WWP2: variants seen among roughly 807,000 people sequenced by gnomAD.
The protein encoded by WWP2 is NEDD4-like E3 ubiquitin-protein ligase WWP2.
In WWP2, 57 loss-of-function variants were observed where a neutral mutation model predicts 121.0. That is an observed-to-expected ratio of 0.47 (90% CI 0.38 to 0.59). The LOEUF (loss-of-function observed/expected upper bound fraction) is 0.59. Ranked by LOEUF, WWP2 falls within the 20% of genes least tolerant of loss-of-function variation. The probability of loss-of-function intolerance (pLI) is 0.00; values close to 1 mark genes in which losing one functional copy is unlikely to be tolerated. For synonymous variants in WWP2, 449 were observed against 441.3 expected, an observed-to-expected ratio of 1.02 and a Z score of -0.22; for missense variants, 962 against 1,158.9, an observed-to-expected ratio of 0.83 and a Z score of 2.47.
rs147015587 is a variant in WWP2, at chr16:69,812,731, A to C, written c.340+13436A>C. Among the ~76,000 whole-genome samples, 337 of 152,200 alleles carry C rather than the reference A, an allele frequency of 2.2e-3. 2 individuals carry two copies. The highest frequency in any genetic ancestry group is 5.4e-3 in the South Asian group (26 of 4,820). On this transcript the variant is annotated intron_variant, in intron 4 of 23. Transcript: ENST00000359154. ...TTCAGAGTGTGCATTCTTGGCAGGAACACCCAGGAGTGACTTTGTGTCCTT... is the reference window on the plus strand; with the variant it reads ...TTCAGAGTGTGCATTCTTGGCAGGACCACCCAGGAGTGACTTTGTGTCCTT...
At chr16:69,871,301 C>T (rs1384742804) in intron 6 of WWP2, among the ~76,000 whole-genome samples, 2 of 152,120 alleles carry the variant, frequency 1.3e-5, no homozygotes, top group Non-Finnish European at 2.9e-5. Flanking sequence ...TGAATGACAA[C>T]AACAAAAAGT....
At chr16:69,862,883 A>C (rs2057451045) in intron 6 of WWP2, among the ~76,000 whole-genome samples, 1 of 151,690 alleles carries the variant, frequency 6.6e-6, no homozygotes, top group African/African-American at 2.4e-5. Context: ...TTGCCACTAT[A>C]CCTGGCTAAT....
Position 69,865,327 on chromosome 16 carries a change from G to A in WWP2, c.576-6477G>A, listed in dbSNP as rs533325736. ...AGCCTCCCAAAGTGCTGGGATTACA[G>A]GCATGAGCCACCACACCCAGCCTCA... On this transcript the variant is annotated intron_variant, in intron 6 of 23. Transcript: ENST00000359154. Among the ~76,000 whole-genome samples the A allele has an allele frequency of 1.1e-4, 16 of 152,316 alleles. No individual in the cohort carries two copies. The South Asian group carries it at 2.1e-3, about 20-fold the overall frequency.
chr16:69,844,956 T>C lies in WWP2; in HGVS notation c.575+2836T>C, dbSNP rs528022463. Among the ~76,000 whole-genome samples, 42 of 152,348 alleles carry C rather than the reference T, an allele frequency of 2.8e-4. 1 individual carries two copies. Among genetic ancestry groups the C allele is most frequent in the South Asian group, 2.1e-3 (10 of 4,832 alleles). On this transcript the variant is annotated intron_variant, in intron 6 of 23. Transcript: ENST00000359154. Reference sequence around the variant, plus strand: ...CTCCTTAAAAGCCCCCTTTCCACTTTGCTGTTGCAGGTATGAAGGTCACTG... The same window carrying C: ...CTCCTTAAAAGCCCCCTTTCCACTTCGCTGTTGCAGGTATGAAGGTCACTG...
At chr16:69,906,956 T>C (rs542804447) in intron 8 of WWP2, among the ~76,000 whole-genome samples, 1 of 152,292 alleles carries the variant, frequency 6.6e-6, no homozygotes, top group South Asian at 2.1e-4. Flanking sequence ...AGGAATGTAA[T>C]ACTAAAAATA....
At chr16:69,914,071 C>CAAAAAAAAAAAAAAAAAAAA (rs34269202) in intron 9 of WWP2, among the ~76,000 whole-genome samples, 1 of 32,216 alleles carries the variant, frequency 3.1e-5, no homozygotes, top group African/African-American at 1.1e-4. Flanking sequence ...GACTCTGTCT[C>CAAAAAAAAAAAAAAAAAAAA]AAAAAAAAAA....
At chr16:69,848,576 A>G (rs945027238) in intron 6 of WWP2, among the ~76,000 whole-genome samples, 1 of 146,276 alleles carries the variant, frequency 6.8e-6, no homozygotes, top group Non-Finnish European at 1.5e-5. Context: ...ATTTGAGGCT[A>G]TAGTGAGCCA....
At chr16:69,769,611 C>T (rs2055370242) in intron 1 of WWP2, among the ~76,000 whole-genome samples, 1 of 152,016 alleles carries the variant, frequency 6.6e-6, no homozygotes, top group Admixed American at 6.6e-5. Context: ...AATGCCAGAG[C>T]CAAGAATTTC....
chr16:69,940,030 GC>G lies in WWP2; in HGVS notation c.*95del, dbSNP rs2058858932. 4.6e-6 allele frequency: 5 copies of G among 1,094,056 alleles called. No individual in the cohort carries two copies. The South Asian group carries it at 7.6e-5, about 17-fold the overall frequency. The allele number at this position is 1,094,056 out of a possible 1,614,324, so 67.8% of individuals were successfully genotyped here. A position where few individuals can be genotyped will look rare whatever the true frequency, so the allele number is the denominator to read the frequency against. Reference sequence around the variant, plus strand: ...CCACTGGCCCCGCAGCCCTTGGGAGGCCCCCGTGGATGTGGCCCTGTGTGGG... The same window carrying G: ...CCACTGGCCCCGCAGCCCTTGGGAGGCCCCGTGGATGTGGCCCTGTGTGGG... On this transcript the variant is annotated 3_prime_UTR_variant, in exon 24 of 24. Transcript: ENST00000359154.
chr16:69,837,373 T>TAA lies in WWP2; in HGVS notation c.341-2753_341-2752insAA, dbSNP rs530989021. Among the ~76,000 whole-genome samples the TAA allele has an allele frequency of 5.4e-4, 82 of 152,324 alleles. No individual in the cohort carries two copies. In the South Asian group the frequency reaches 0.016, roughly 30 times the overall value. ...GAGCCACTGCACCCAGCCCATTGGC[T>TAA]CTTTTTGAAGACAAAATGTGTCTCA... is the stretch of plus-strand genomic sequence containing the variant. On this transcript the variant is annotated intron_variant, in intron 4 of 23. Coordinates refer to ENST00000359154, the MANE Select transcript of WWP2 (RefSeq NM_001270454.2).
rs369518584 is a variant in WWP2 at position 69,936,802 on chromosome 16, G to A, written c.2118-316G>A. 2.0e-4 allele frequency: 93 copies of A among 467,504 alleles called. No homozygotes were observed. In the East Asian group the frequency reaches 2.4e-3, roughly 12 times the overall value. The allele number at this position is 467,504 out of a possible 1,614,324, so 29.0% of individuals were successfully genotyped here. ...TAGACCCACCGTCTCACGTGTGCCC[G>A]TTCTCCGTGCCTGTTCCTCAGGCCT... On this transcript the variant is annotated intron_variant, in intron 19 of 23. Transcript: ENST00000359154.
chr16:69,898,214 G>A (rs2058139935), intron 8 of WWP2, among the ~76,000 whole-genome samples: 2 of 151,824 alleles, frequency 1.3e-5, no homozygotes, highest in Admixed American at 1.3e-4. Flanking sequence ...TTTTAGTAGA[G>A]ACAGGGTTTC....
intron 6 of WWP2, among the ~76,000 whole-genome samples, chr16:69,843,430 T>C (rs1007971036): frequency 3.9e-5 from 6 of 152,138 alleles, no homozygotes; most frequent in African/African-American, 1.4e-4. Flanking sequence ...TTGGCACCTT[T>C]GTTTATTGTT....
intron 6 of WWP2, among the ~76,000 whole-genome samples, chr16:69,846,650 G>C (rs1428999684): frequency 6.6e-6 from 1 of 151,992 alleles, no homozygotes; most frequent in Non-Finnish European, 1.5e-5. Flanking sequence ...GAACCCCCGA[G>C]GTGGAGGTTG....
chr16:69,903,786 G>GAA (rs953758648), intron 8 of WWP2, among the ~76,000 whole-genome samples: 1 of 147,704 alleles, frequency 6.8e-6, no homozygotes, highest in African/African-American at 2.6e-5. Flanking sequence ...AAAAAAGAAA[G>GAA]AAAGAAAAAT....
chr16:69,912,957 T>A (rs866634322), intron 9 of WWP2, among the ~76,000 whole-genome samples: 6 of 6,796 alleles, frequency 8.8e-4, no homozygotes, highest in Non-Finnish European at 1.1e-3. Context: ...AAAAAAAAAA[T>A]ATATATATAT....
intron 2 of WWP2, among the ~76,000 whole-genome samples, chr16:69,790,129 C>T (rs975321952): frequency 6.6e-6 from 1 of 152,130 alleles, no homozygotes; most frequent in African/African-American, 2.4e-5. Flanking sequence ...CGCATGTAAT[C>T]CCAGCTACTT....
intron 2 of WWP2, among the ~76,000 whole-genome samples, chr16:69,796,482 C>T (rs996811224): frequency 2.0e-5 from 3 of 152,234 alleles, no homozygotes; most frequent in African/African-American, 4.8e-5. Context: ...CCTGTGATCA[C>T]GTGGCTGACT....
intron 8 of WWP2, among the ~76,000 whole-genome samples, chr16:69,902,240 C>G (rs1032480512): frequency 6.6e-6 from 1 of 152,152 alleles, no homozygotes; most frequent in Non-Finnish European, 1.5e-5. Flanking sequence ...TGATGTCATT[C>G]TAATAATGAG....
Sources: gnomAD v4.1 joint callset for allele counts (sites outside exome capture counted in the v4.1 genomes callset) on GRCh38, gnomAD v4.1.1 for gene constraint, MANE v1.5 for transcripts, NCBI Gene and HGNC (gene_info 2026-07-23, HGNC 2026-07-21) for gene names.